The following SNX14 variants were observed in gnomAD, a reference collection of about 807,000 sequenced individuals.
SNX14 encodes sorting nexin 14.
SNX14 carries 93 observed loss-of-function variants against 133.8 expected under a neutral mutation model. The observed-to-expected ratio is 0.70, with a 90% CI of 0.59 to 0.83. The LOEUF is 0.83. Ranked by LOEUF, SNX14 falls within the 40% of genes least tolerant of loss-of-function variation. SNX14 has a pLI of 0.00. For synonymous variants in SNX14, 368 were observed against 365.6 expected (o/e 1.01, Z -0.07); for missense variants, 945 against 1,094.9 (o/e 0.86, Z 1.93).
intron 16 of SNX14, among the ~76,000 whole-genome samples, chr6:85,537,451 G>C (rs1467818612): frequency 6.6e-6 from 1 of 152,038 alleles, no homozygotes; most frequent in Non-Finnish European, 1.5e-5. Flanking sequence ...ATGAGCACAG[G>C]GATAAAAGCA....
intron 7 of SNX14, among the ~76,000 whole-genome samples, chr6:85,551,355 A>G (rs1287596684): frequency 6.6e-6 from 1 of 152,168 alleles, no homozygotes; most frequent in African/African-American, 2.4e-5. Flanking sequence ...CTGTGGCTGG[A>G]AACTCCCTCC....
At chr6:85,530,332 G>T (rs1779821905) in intron 18 of SNX14, 57 bp from the exon 19 acceptor site, 1 of 1,136,966 alleles carries the variant, frequency 8.8e-7, no homozygotes, top group Non-Finnish European at 1.3e-6. Context: ...CTAAAAGAAT[G>T]CCATATTTAA....
At chr6:85,538,582 A>G (rs2128042740) in intron 16 of SNX14, among the ~76,000 whole-genome samples, 1 of 152,330 alleles carries the variant, frequency 6.6e-6, no homozygotes, top group African/African-American at 2.4e-5. Flanking sequence ...CAAGATACTG[A>G]CAAATTAAAC....
At chr6:85,569,041 C>T (rs1794788074) in intron 4 of SNX14, among the ~76,000 whole-genome samples, 1 of 151,886 alleles carries the variant, frequency 6.6e-6, no homozygotes, top group African/African-American at 2.4e-5. Flanking sequence ...TCTTGGCTCA[C>T]CTCAACCTCC....
chr6:85,519,782 T>C (rs1281982561), intron 21 of SNX14, among the ~76,000 whole-genome samples: 1 of 152,046 alleles, frequency 6.6e-6, no homozygotes, highest in Non-Finnish European at 1.5e-5. Context: ...GGCAGGAGAA[T>C]CGCTTGAACC....
chr6:85,543,729 T>G lies in SNX14; in HGVS notation c.1140A>C (p.Glu380Asp). ...GAGACAGCATTTCATCATTTGATAATTCTGGTCGTAAAATTCTATCATTAA... is the reference window on the plus strand; with the variant it reads ...GAGACAGCATTTCATCATTTGATAAGTCTGGTCGTAAAATTCTATCATTAA... ...EEFNDRILRP[E>D]LSNDEMLSLH... Residue 380 changes from glutamate to aspartate, a missense_variant, in exon 13 of 29, where the codon GAA becomes GAC. Physicochemically the swap from Glu to Asp is conservative, Grantham distance 45. Coordinates refer to ENST00000314673, the MANE Select transcript of SNX14 (RefSeq NM_153816.6). 1 of 1,568,538 alleles carries G rather than the reference T, an allele frequency of 6.4e-7. No homozygotes were observed. Among genetic ancestry groups the G allele is most frequent in the Non-Finnish European group, 8.6e-7 (1 of 1,156,758 alleles).
intron 26 of SNX14, among the ~76,000 whole-genome samples, chr6:85,509,005 A>G (rs1436784969): frequency 6.6e-6 from 1 of 152,198 alleles, no homozygotes; most frequent in African/African-American, 2.4e-5. Context: ...CCCAATACAA[A>G]TCTTTGTTAA....
chr6:85,534,426 G>A (rs1781219865), intron 17 of SNX14, among the ~76,000 whole-genome samples: 1 of 152,164 alleles, frequency 6.6e-6, no homozygotes, highest in Admixed American at 6.5e-5. Context: ...CTTAGAACTA[G>A]CACAGTGTCT....
intron 7 of SNX14, among the ~76,000 whole-genome samples, chr6:85,553,803 T>A (rs1179662060): frequency 6.8e-6 from 1 of 147,926 alleles, no homozygotes; most frequent in Non-Finnish European, 1.5e-5. Flanking sequence ...AAAAAAAGAA[T>A]CTGTATCAGT....
chr6:85,573,611 T>C (rs965803686), intron 2 of SNX14, among the ~76,000 whole-genome samples: 4 of 152,250 alleles, frequency 2.6e-5, no homozygotes, highest in Admixed American at 6.5e-5. Context: ...ACTTTGGTTA[T>C]ATAAACTGCC....
chr6:85,540,536 C>T (rs969494180), intron 15 of SNX14, among the ~76,000 whole-genome samples: 3 of 152,160 alleles, frequency 2.0e-5, no homozygotes, highest in African/African-American at 2.4e-5. Context: ...CTAAGTTTCA[C>T]GGCTGTAACA....
At chr6:85,581,508 C>G (rs145082854) in intron 1 of SNX14, 1 of 152,046 alleles carries the variant, frequency 6.6e-6, no homozygotes, top group Non-Finnish European at 1.5e-5. Context: ...AAATAAAGCA[C>G]GAGGGACCAA....
In SNX14 at chr6:85,593,734, G is replaced by A; in HGVS notation, c.-16C>T. On this transcript the variant is annotated 5_prime_UTR_variant, in exon 1 of 29. Coordinates refer to ENST00000314673, the MANE Select transcript of SNX14 (RefSeq NM_153816.6). ...AGGGCACCATCTCCGTAACGGCGAG[G>A]CCGAGACTGCGCTACTGGCTGAGGC... is the stretch of plus-strand genomic sequence containing the variant. 6.2e-7 allele frequency: 1 copy of A among 1,613,196 alleles called. No homozygotes were observed. The highest frequency in any genetic ancestry group is 1.7e-5 in the Admixed American group (1 of 60,026).
intron 8 of SNX14, among the ~76,000 whole-genome samples, chr6:85,549,518 C>T (rs1786989368): frequency 6.6e-6 from 1 of 151,986 alleles, no homozygotes; most frequent in Non-Finnish European, 1.5e-5. Flanking sequence ...TTCTAAGCTA[C>T]ACAACACACC....
intron 21 of SNX14, among the ~76,000 whole-genome samples, chr6:85,524,282 A>G (rs1250821878): frequency 6.6e-6 from 1 of 152,250 alleles, no homozygotes; most frequent in East Asian, 1.9e-4. Context: ...GGCAAGAGGA[A>G]AATTGAGGAC....
At chr6:85,509,748 A>T (rs1394408283) in intron 26 of SNX14, among the ~76,000 whole-genome samples, 1 of 152,196 alleles carries the variant, frequency 6.6e-6, no homozygotes, top group Admixed American at 6.5e-5. Flanking sequence ...CTGGACAAAT[A>T]GATGATGATA....
intron 6 of SNX14, among the ~76,000 whole-genome samples, chr6:85,564,712 G>A (rs992346640): frequency 1.5e-4 from 23 of 152,120 alleles, no homozygotes; most frequent in African/African-American, 3.6e-4. Context: ...GTTTAAGGCC[G>A]GGCGCAGTGG....
At chr6:85,565,016 ATCT>A in intron 6 of SNX14, among the ~76,000 whole-genome samples, 1 of 152,074 alleles carries the variant, frequency 6.6e-6, no homozygotes, top group South Asian at 2.1e-4. Flanking sequence ...GTTTCAAATA[ATCT>A]TCTAAAAGAT....
chr6:85,580,678 G>A (rs967162168), intron 1 of SNX14, among the ~76,000 whole-genome samples: 6 of 152,146 alleles, frequency 3.9e-5, no homozygotes, highest in African/African-American at 1.4e-4. Context: ...TTGGGCTTAA[G>A]TAAACATTGA....
Sources: gnomAD v4.1 joint callset for allele counts (sites outside exome capture counted in the v4.1 genomes callset) on GRCh38, gnomAD v4.1.1 for gene constraint, MANE v1.5 for transcripts, NCBI Gene and HGNC (gene_info 2026-07-23, HGNC 2026-07-21) for gene names.